PCDHA2: variants seen among roughly 807,000 people sequenced by gnomAD.
PCDHA2 encodes protocadherin alpha-2.
In PCDHA2, 58 loss-of-function variants were observed where a neutral mutation model predicts 66.0. That is an observed-to-expected ratio of 0.88 (90% CI 0.71 to 1.09). The LOEUF (loss-of-function observed/expected upper bound fraction) is 1.09, where lower values mean the gene tolerates loss of function less well. Among genes scored for constraint, PCDHA2 ranks in the 50% least tolerant of loss-of-function variants. The probability of loss-of-function intolerance (pLI) is 0.00; values close to 1 mark genes in which losing one functional copy is unlikely to be tolerated. For missense variants in PCDHA2, 1,267 were observed against 1,242.3 expected (o/e 1.02, Z -0.30); for synonymous variants, 634 against 554.0 (o/e 1.14, Z -2.03).
At chr5:140,932,338 CACTT>C (rs1448800324) in intron 1 of PCDHA2, among the ~76,000 whole-genome samples, 19 of 151,866 alleles carry the variant, frequency 1.3e-4, no homozygotes, top group Non-Finnish European at 2.2e-4. Flanking sequence ...ATGCATGAAA[CACTT>C]ACCATACAAC....
At chr5:140,841,950 T>C (rs1580983640) in intron 1 of PCDHA2, 1 of 1,613,892 alleles carries the variant, frequency 6.2e-7, no homozygotes. Context: ...GCGCACCACT[T>C]ATTCCTGACA....
chr5:140,894,778 T>C (rs1477645245), intron 1 of PCDHA2, among the ~76,000 whole-genome samples: 1 of 152,140 alleles, frequency 6.6e-6, no homozygotes, highest in Non-Finnish European at 1.5e-5. Flanking sequence ...TTTAGTGTAA[T>C]TATTTGTCCT....
chr5:140,883,520 G>A (rs1554178526), intron 1 of PCDHA2: 1 of 1,614,222 alleles, frequency 6.2e-7, no homozygotes, highest in Non-Finnish European at 8.5e-7. Context: ...CCGCGAGAGC[G>A]TATCAGCCTA....
chr5:140,824,006 T>G (rs2150131396), intron 1 of PCDHA2: 2 of 1,613,804 alleles, frequency 1.2e-6, no homozygotes, highest in Admixed American at 3.3e-5. Context: ...TCCAGCGCGG[T>G]GGGGAGCTGG....
chr5:140,824,004 G>A lies in PCDHA2; in HGVS notation c.2388+26652G>A, dbSNP rs2150131362. The A allele has an allele frequency of 1.3e-5, 21 of 1,613,988 alleles. No individual in the cohort carries two copies. The African/African-American group carries it at 2.4e-4, about 18-fold the overall frequency. ...AGCCCACTCTGTTGTGCTCCAGCGC[G>A]GTGGGGAGCTGGTCGTACTCGCAGC... On this transcript the variant is annotated intron_variant, in intron 1 of 3. Transcript: ENST00000526136.
intron 1 of PCDHA2, among the ~76,000 whole-genome samples, chr5:140,908,808 A>C (rs781863210): frequency 6.6e-6 from 1 of 152,068 alleles, no homozygotes; most frequent in Non-Finnish European, 1.5e-5. Flanking sequence ...AAAAAGTGAG[A>C]GCCTTTTGGG....
At chr5:140,944,792 G>C (rs1411963111) in intron 1 of PCDHA2, among the ~76,000 whole-genome samples, 3 of 152,138 alleles carry the variant, frequency 2.0e-5, no homozygotes, top group African/African-American at 7.2e-5. Context: ...TATTTTACAA[G>C]TCTGTCGAGG....
chr5:140,836,713 C>T, intron 1 of PCDHA2: 2 of 1,613,054 alleles, frequency 1.2e-6, no homozygotes, highest in Non-Finnish European at 1.7e-6. Flanking sequence ...CCCAGCCTTC[C>T]TCAGGGTCCA....
At chr5:140,821,484 T>A (rs1425462413) in intron 1 of PCDHA2, 14 of 285,438 alleles carry the variant, frequency 4.9e-5, no homozygotes, top group African/African-American at 1.1e-4. Context: ...TGAGAATACT[T>A]GAGAAATATT....
chr5:140,954,845 C>G (rs1479368081), intron 1 of PCDHA2, among the ~76,000 whole-genome samples: 2 of 152,140 alleles, frequency 1.3e-5, no homozygotes, highest in African/African-American at 2.4e-5. Flanking sequence ...AAATCTTTGC[C>G]TGTGCCTATG....
chr5:140,823,635 G>A (rs2150127703), intron 1 of PCDHA2: 3 of 1,613,956 alleles, frequency 1.9e-6, no homozygotes, highest in East Asian at 2.2e-5. Context: ...CGCGCATCCC[G>A]TTCCGCGTGG....
rs202184948 is a variant in PCDHA2 at position 140,888,065 on chromosome 5, T to C, written c.2388+90713T>C. 4.6e-5 allele frequency among the ~76,000 whole-genome samples: 7 copies of C among 152,338 alleles called. No homozygotes were observed. The East Asian group carries it at 5.8e-4, about 13-fold the overall frequency. On this transcript the variant is annotated intron_variant, in intron 1 of 3. Transcript: ENST00000526136. Reference sequence around the variant, plus strand: ...TATAATAGATGTTTTAACTTTCTTGTCTGCTAATTTCAACATTTTTGTCCT... The same window carrying C: ...TATAATAGATGTTTTAACTTTCTTGCCTGCTAATTTCAACATTTTTGTCCT...
chr5:140,873,592 T>A (rs936003894), intron 1 of PCDHA2, among the ~76,000 whole-genome samples: 3 of 152,234 alleles, frequency 2.0e-5, no homozygotes, highest in African/African-American at 7.2e-5. Flanking sequence ...TAAGCTAAAC[T>A]TAGATGTTCC....
intron 1 of PCDHA2, among the ~76,000 whole-genome samples, chr5:140,963,667 T>G (rs1206076549): frequency 3.9e-5 from 6 of 152,238 alleles, no homozygotes; most frequent in African/African-American, 1.4e-4. Context: ...CTATATGGCA[T>G]AGTTAAATGT....
chr5:140,946,631 T>TATATAGATATATATATATATATATACAC (rs57893927), intron 1 of PCDHA2, among the ~76,000 whole-genome samples: 1 of 131,846 alleles, frequency 7.6e-6, no homozygotes, highest in African/African-American at 3.5e-5. Flanking sequence ...TATATATATA[T>TATATAGATATATATATATATATATACAC]ACAATGGAAT....
intron 1 of PCDHA2, chr5:140,869,245 A>G: frequency 1.2e-6 from 2 of 1,613,628 alleles, no homozygotes; most frequent in Non-Finnish European, 1.7e-6. Context: ...CGTGGGCCGC[A>G]TCGCGCAGGA....
intron 1 of PCDHA2, chr5:140,841,998 T>C (rs2150327142): frequency 6.2e-7 from 1 of 1,613,848 alleles, no homozygotes; most frequent in South Asian, 1.1e-5. Flanking sequence ...ACAGGCACTG[T>C]TCAGCTGCTG....
rs138092357 is a variant in PCDHA2 at position 140,856,175 on chromosome 5, T to C, written c.2388+58823T>C. On this transcript the variant is annotated intron_variant, in intron 1 of 3. Transcript: ENST00000526136. The stretch of plus-strand genomic sequence containing the variant: ...CTACGAGGAGGCCAGACACGGCACC[T>C]TCGTGGGCCGCATCGCGCAGGACCT... The C allele has an allele frequency of 1.5e-4, 244 of 1,598,214 alleles. 13 individuals are homozygous for C. The African/African-American group carries it at 2.9e-3, about 19-fold the overall frequency.
chr5:140,967,324 G>A, intron 1 of PCDHA2: 4 of 1,609,186 alleles, frequency 2.5e-6, no homozygotes, highest in Non-Finnish European at 3.4e-6. Context: ...AGACCTACGA[G>A]CTCAGCCCCA....
Sources: allele counts gnomAD v4.1 joint callset (sites outside exome capture counted in the v4.1 genomes callset), GRCh38; gene constraint gnomAD v4.1.1; transcripts MANE v1.5; gene names NCBI Gene and HGNC (gene_info 2026-07-23, HGNC 2026-07-21).